ST3GAL1: variants seen among roughly 807,000 people sequenced by gnomAD.
The protein encoded by ST3GAL1 is CMP-N-acetylneuraminate-beta-galactosamide-alpha-2,3-sialyltransferase 1.
In ST3GAL1, 16 loss-of-function variants were observed where a neutral mutation model predicts 34.1. That is an observed-to-expected ratio of 0.47 (90% CI 0.32 to 0.71). The LOEUF (loss-of-function observed/expected upper bound fraction) is 0.71. ST3GAL1 is among the 30% of genes least tolerant of loss of function. The pLI, the probability that ST3GAL1 is intolerant of heterozygous loss-of-function variation, is 0.04. For missense variants in ST3GAL1, 353 were observed against 447.4 expected, an observed-to-expected ratio of 0.79 and a Z score of 1.90; for synonymous variants, 191 against 184.7, an observed-to-expected ratio of 1.03 and a Z score of -0.28.
intron 3 of ST3GAL1, among the ~76,000 whole-genome samples, chr8:133,484,534 C>T: frequency 6.6e-6 from 1 of 152,170 alleles, no homozygotes; most frequent in East Asian, 1.9e-4. Flanking sequence ...TTCCTACACA[C>T]TCTGTGCTCG....
intron 2 of ST3GAL1, among the ~76,000 whole-genome samples, chr8:133,544,257 G>T (rs1375965781): frequency 6.6e-6 from 1 of 152,076 alleles, no homozygotes; most frequent in Non-Finnish European, 1.5e-5. Flanking sequence ...ATTCCCACTT[G>T]CACTGGCTTA....
chr8:133,475,197 G>A (rs1176999912), intron 5 of ST3GAL1, among the ~76,000 whole-genome samples: 1 of 152,250 alleles, frequency 6.6e-6, no homozygotes, highest in Non-Finnish European at 1.5e-5. Context: ...TGGAAGTGGA[G>A]GCAGAGGCTG....
At chr8:133,505,362 T>G (rs548332499) in intron 2 of ST3GAL1, among the ~76,000 whole-genome samples, 49 of 152,296 alleles carry the variant, frequency 3.2e-4, no homozygotes, top group African/African-American at 1.1e-3. Flanking sequence ...AGATTGTGGT[T>G]CCTCATCTAT....
At chr8:133,514,915 C>T (rs924127547) in intron 2 of ST3GAL1, among the ~76,000 whole-genome samples, 2 of 152,114 alleles carry the variant, frequency 1.3e-5, no homozygotes, top group Non-Finnish European at 2.9e-5. Flanking sequence ...TTGCCATGTG[C>T]CGTCCTCCGA....
At chr8:133,476,162 G>A in intron 4 of ST3GAL1, 88 bp from the exon 5 acceptor site, 1 of 982,302 alleles carries the variant, frequency 1.0e-6, no homozygotes, top group Non-Finnish European at 1.5e-6. Context: ...GGACACAAGG[G>A]CCGCTAAGCT....
chr8:133,486,751 C>A (rs1260474472), intron 3 of ST3GAL1, among the ~76,000 whole-genome samples: 3 of 152,184 alleles, frequency 2.0e-5, no homozygotes, highest in Non-Finnish European at 4.4e-5. Context: ...CTGCGCCTCC[C>A]AGGAGAGGAG....
rs751280527 is a variant in ST3GAL1, at chr8:133,540,934, C to CATATATATAGACAT, written c.-429+4839_-429+4840insATGTCTATATATAT. ...ATATATATAGACATATATATATAGA[C>CATATATATAGACAT]ATATATAGACATATATATAGACATA... On this transcript the variant is annotated intron_variant, in intron 2 of 9. Transcript: ENST00000522652. Among the ~76,000 whole-genome samples, 173 of 51,372 alleles carry CATATATATAGACAT rather than the reference C, an allele frequency of 3.4e-3. 8 individuals are homozygous for CATATATATAGACAT. The highest frequency in any genetic ancestry group is 0.017 in the Middle Eastern group (1 of 58). The allele number at this position is 51,372 out of a possible 152,430, so 33.7% of individuals were successfully genotyped here. A position where few individuals can be genotyped will look rare whatever the true frequency, so the allele number is the denominator to read the frequency against.
intron 1 of ST3GAL1, among the ~76,000 whole-genome samples, chr8:133,553,760 T>A (rs1410241292): frequency 2.6e-5 from 4 of 152,186 alleles, no homozygotes; most frequent in African/African-American, 9.7e-5. Context: ...GATCATGCAG[T>A]GAAAAGGTCC....
Position 133,455,889 on chromosome 8 carries a change from G to A in ST3GAL1, c.*3875C>T, listed in dbSNP as rs956165933. ...GTGGTTTGAATCCTGGCAGAGGCCA[G>A]GGTCACATCCAAGTGGGACTGGCCT... is the stretch of plus-strand genomic sequence containing the variant. On this transcript the variant is annotated 3_prime_UTR_variant, in exon 10 of 10. Coordinates refer to ENST00000522652, the MANE Select transcript of ST3GAL1 (RefSeq NM_173344.3). 2.0e-5 allele frequency: 3 copies of A among 152,250 alleles called. No individual in the cohort carries two copies. The highest frequency in any genetic ancestry group is 4.4e-5 in the Non-Finnish European group (3 of 68,050). 9.4% of individuals were successfully genotyped at this position (152,250 alleles called of 1,614,324 possible).
intron 2 of ST3GAL1, among the ~76,000 whole-genome samples, chr8:133,507,930 C>T (rs1331164718): frequency 6.6e-6 from 1 of 152,166 alleles, no homozygotes; most frequent in African/African-American, 2.4e-5. Context: ...CTATTGGCTG[C>T]TGACAGCTCA....
At chr8:133,558,661 A>G (rs796723675) in intron 1 of ST3GAL1, among the ~76,000 whole-genome samples, 4 of 152,296 alleles carry the variant, frequency 2.6e-5, no homozygotes, top group African/African-American at 9.6e-5. Context: ...AGAAAAAGAG[A>G]AAACCTCCTT....
chr8:133,549,631 T>C (rs1450997130), intron 1 of ST3GAL1, among the ~76,000 whole-genome samples: 1 of 151,818 alleles, frequency 6.6e-6, no homozygotes, highest in African/African-American at 2.4e-5. Flanking sequence ...GGATTCCAAA[T>C]TCCAACTGAC....
intron 3 of ST3GAL1, among the ~76,000 whole-genome samples, chr8:133,486,965 A>G (rs1816626613): frequency 6.6e-6 from 1 of 152,192 alleles, no homozygotes; most frequent in Non-Finnish European, 1.5e-5. Context: ...TTTTATTGAG[A>G]CGGAGTCTCG....
chr8:133,474,495 T>C (rs975863350), intron 5 of ST3GAL1, among the ~76,000 whole-genome samples: 2 of 152,216 alleles, frequency 1.3e-5, no homozygotes, highest in African/African-American at 4.8e-5. Flanking sequence ...GATCAGATCA[T>C]GAAACCCCCT....
chr8:133,522,732 GGCACAGTGTTAA>G (rs1817849835), intron 2 of ST3GAL1, among the ~76,000 whole-genome samples: 1 of 152,156 alleles, frequency 6.6e-6, no homozygotes. Context: ...TGGCCTAAGG[GGCACAGTGTTAA>G]GCACGTGACA....
intron 1 of ST3GAL1, among the ~76,000 whole-genome samples, chr8:133,565,013 T>TC (rs1275390685): frequency 6.6e-6 from 1 of 152,150 alleles, no homozygotes. Flanking sequence ...AAATGTGGGC[T>TC]CCCACCAGCT....
chr8:133,471,963 G>T (rs1298951380), intron 5 of ST3GAL1, among the ~76,000 whole-genome samples: 2 of 151,854 alleles, frequency 1.3e-5, no homozygotes, highest in Non-Finnish European at 2.9e-5. Flanking sequence ...CCCAAGTTGG[G>T]GGCAAGTAGA....
intron 1 of ST3GAL1, among the ~76,000 whole-genome samples, chr8:133,558,522 T>C (rs1819125039): frequency 6.6e-6 from 1 of 152,192 alleles, no homozygotes; most frequent in African/African-American, 2.4e-5. Context: ...TCTTTGCAAA[T>C]GCTAAGATTT....
chr8:133,491,700 C>T (rs954449470), intron 3 of ST3GAL1, among the ~76,000 whole-genome samples: 5 of 152,224 alleles, frequency 3.3e-5, no homozygotes, highest in African/African-American at 1.2e-4. Flanking sequence ...AACCCAGCTA[C>T]TACAATGGCG....
Sources: allele counts gnomAD v4.1 joint callset (sites outside exome capture counted in the v4.1 genomes callset), GRCh38; gene constraint gnomAD v4.1.1; transcripts MANE v1.5; gene names NCBI Gene and HGNC (gene_info 2026-07-23, HGNC 2026-07-21).